The following MDFIC2 variants were observed in gnomAD, a reference collection of about 807,000 sequenced individuals.
MDFIC2 encodes the protein MyoD family inhibitor domain containing 2, also known as myoD family inhibitor domain-containing protein 2.
At chr3:70,311,789 G>C (rs1702455771) in intron 2 of MDFIC2, 97 bp downstream of exon 2, 1 of 389,952 alleles carries the variant, frequency 2.6e-6, no homozygotes, top group South Asian at 1.4e-4. Flanking sequence ...CTATTTGAAC[G>C]GTCAGGACAA....
chr3:70,261,628 A>G (rs1242695494), intron 2 of MDFIC2, among the ~76,000 whole-genome samples: 1 of 152,158 alleles, frequency 6.6e-6, no homozygotes. Context: ...TTCACTTTCA[A>G]CAATTTCTAC....
chr3:70,197,177 C>T lies in MDFIC2; in HGVS notation c.319G>A (p.Ala107Thr), dbSNP rs1701190507. ...AACAGACAGGCGAGGATAAGGGAGG[C>T]ACACTCCTCTGTTTAAAGAAGAAGA... ...VHHRDTDEECASLILACLFCQ... is the reference protein window; with the variant it reads ...VHHRDTDEECTSLILACLFCQ... The change falls in exon 4 of 4, where the codon GCC (alanine) becomes ACC (threonine). Residue 107 changes from alanine (A) to threonine (T), a missense_variant. Coordinates refer to ENST00000567252, the MANE Select transcript of MDFIC2 (RefSeq NM_001364677.1). 1 of 398,390 alleles carries T rather than the reference C, an allele frequency of 2.5e-6. No individual in the cohort carries two copies. Among genetic ancestry groups the T allele is most frequent in the South Asian group, 1.3e-4 (1 of 7,856 alleles). The allele number at this position is 398,390 out of a possible 1,614,324, so 24.7% of individuals were successfully genotyped here. A position where few individuals can be genotyped will look rare whatever the true frequency, so the allele number is the denominator to read the frequency against.
intron 2 of MDFIC2, among the ~76,000 whole-genome samples, chr3:70,213,732 C>A (rs558958708): frequency 1.3e-5 from 2 of 152,092 alleles, no homozygotes; most frequent in African/African-American, 4.8e-5. Context: ...ATTATACTCT[C>A]TGCAGCTTGG....
At chr3:70,275,378 G>A (rs1702013984) in intron 2 of MDFIC2, among the ~76,000 whole-genome samples, 1 of 152,072 alleles carries the variant, frequency 6.6e-6, no homozygotes, top group South Asian at 2.1e-4. Context: ...AGTTGGGTGT[G>A]GTGGCATGTG....
intron 2 of MDFIC2, among the ~76,000 whole-genome samples, chr3:70,254,467 A>G (rs561323918): frequency 6.6e-6 from 1 of 152,310 alleles, no homozygotes; most frequent in South Asian, 2.1e-4. Context: ...TAAAAGAAAA[A>G]TAGACCTTCT....
chr3:70,282,412 G>C (rs972181422), intron 2 of MDFIC2, among the ~76,000 whole-genome samples: 2 of 152,152 alleles, frequency 1.3e-5, no homozygotes, highest in Non-Finnish European at 2.9e-5. Flanking sequence ...GTTAGTTACA[G>C]AAGCTAATGA....
chr3:70,201,949 T>C (rs1399145377), intron 3 of MDFIC2, among the ~76,000 whole-genome samples: 1 of 152,204 alleles, frequency 6.6e-6, no homozygotes, highest in Non-Finnish European at 1.5e-5. Context: ...CTCTTTGCTT[T>C]GGGTGGTGTC....
chr3:70,288,354 T>C (rs1423384221), intron 2 of MDFIC2, among the ~76,000 whole-genome samples: 5 of 131,566 alleles, frequency 3.8e-5, no homozygotes, highest in African/African-American at 8.9e-5. Flanking sequence ...TCAGTTTCCA[T>C]GTAGTTGAGC....
intron 2 of MDFIC2, among the ~76,000 whole-genome samples, chr3:70,221,059 C>T (rs1029701451): frequency 5.3e-5 from 8 of 152,070 alleles, no homozygotes; most frequent in African/African-American, 1.9e-4. Flanking sequence ...AAACCAGGTA[C>T]AACAATAACT....
intron 2 of MDFIC2, among the ~76,000 whole-genome samples, chr3:70,310,508 G>A (rs1215443697): frequency 5.3e-5 from 8 of 151,922 alleles, no homozygotes; most frequent in Non-Finnish European, 1.2e-4. Flanking sequence ...TGGGACTACA[G>A]GGGTGTGCCA....
At chr3:70,299,170 C>G (rs1383499484) in intron 2 of MDFIC2, among the ~76,000 whole-genome samples, 4 of 152,068 alleles carry the variant, frequency 2.6e-5, no homozygotes, top group African/African-American at 9.7e-5. Context: ...TATTTTGTTA[C>G]TTCATAGAAT....
At chr3:70,290,231 G>C (rs1702218908) in intron 2 of MDFIC2, among the ~76,000 whole-genome samples, 1 of 152,132 alleles carries the variant, frequency 6.6e-6, no homozygotes, top group Non-Finnish European at 1.5e-5. Flanking sequence ...TGTACAGATG[G>C]GTTTTTGGTG....
chr3:70,284,810 C>G (rs1473837254), intron 2 of MDFIC2, among the ~76,000 whole-genome samples: 1 of 152,000 alleles, frequency 6.6e-6, no homozygotes, highest in Non-Finnish European at 1.5e-5. Context: ...GTCTTAAAAC[C>G]TGGGTCATGA....
chr3:70,288,467 C>T (rs1158557974), intron 2 of MDFIC2, among the ~76,000 whole-genome samples: 1 of 151,184 alleles, frequency 6.6e-6, no homozygotes, highest in Non-Finnish European at 1.5e-5. Context: ...CTGAGGAGAA[C>T]TTTACTTCCA....
intron 2 of MDFIC2, among the ~76,000 whole-genome samples, chr3:70,286,439 C>G (rs936901675): frequency 1.3e-4 from 19 of 151,704 alleles, no homozygotes; most frequent in South Asian, 2.1e-4. Context: ...GGTACCAGTA[C>G]CATGCTGTTT....
chr3:70,300,904 C>T (rs560046213), intron 2 of MDFIC2, among the ~76,000 whole-genome samples: 1 of 152,036 alleles, frequency 6.6e-6, no homozygotes, highest in South Asian at 2.1e-4. Context: ...AGTTATGTTG[C>T]TGTTTTTAAA....
At position 70,197,079 on chromosome 3, in the gene MDFIC2, G is replaced by A. The variant is rs374222183; in HGVS notation, c.417C>T (p.Pro139=). 3.0e-5 allele frequency: 12 copies of A among 398,588 alleles called. No homozygotes were observed. The highest frequency in any genetic ancestry group is 1.4e-4 in the East Asian group (4 of 28,054). The allele number at this position is 398,588 out of a possible 1,614,324, so 24.7% of individuals were successfully genotyped here. A position where few individuals can be genotyped will look rare whatever the true frequency, so the allele number is the denominator to read the frequency against. ...CETVCTKMCC[P]SRRYHHTSDE... The stretch of plus-strand genomic sequence containing the variant: ...CCGAGGTGTGGTGATACCGGCGAGA[G>A]GGGCAGCACATTTTGGTACACACCG... The change falls in exon 4 of 4, where the codon CCC becomes CCT. Residue 139 remains proline (P), a synonymous_variant. Coordinates refer to ENST00000567252, the MANE Select transcript of MDFIC2 (RefSeq NM_001364677.1).
Position 70,280,983 on chromosome 3 carries a change from A to ATAGT in MDFIC2, c.88+30899_88+30902dup, listed in dbSNP as rs1177890738. 7.2e-5 allele frequency among the ~76,000 whole-genome samples: 11 copies of ATAGT among 152,334 alleles called. No individual in the cohort carries two copies. In the South Asian group the frequency reaches 2.3e-3, roughly 32 times the overall value. ...TGATCGTATTTCTACACAGCTGTACATAGTTTGTTAAACTTACGTATAAAA... is the reference window on the plus strand; with the variant it reads ...TGATCGTATTTCTACACAGCTGTACATAGTTAGTTTGTTAAACTTACGTATAAAA... On this transcript the variant is annotated intron_variant, in intron 2 of 3. Transcript: ENST00000567252.
chr3:70,289,659 C>T (rs1335003180), intron 2 of MDFIC2, among the ~76,000 whole-genome samples: 1 of 151,864 alleles, frequency 6.6e-6, no homozygotes, highest in Non-Finnish European at 1.5e-5. Context: ...GAGTGTTTTC[C>T]AACTTGGTTC....
Sources: gnomAD v4.1 joint callset for allele counts (sites outside exome capture counted in the v4.1 genomes callset) on GRCh38, gnomAD v4.1.1 for gene constraint, MANE v1.5 for transcripts, NCBI Gene and HGNC (gene_info 2026-07-23, HGNC 2026-07-21) for gene names.